The following PDZRN4 variants were observed in gnomAD, a reference collection of about 807,000 sequenced individuals.
PDZRN4 encodes PDZ domain containing ring finger 4.
A neutral mutation model predicts 99.0 loss-of-function variants in PDZRN4; 70 were observed. The ratio of observed to expected loss-of-function variants is 0.71; its 90% CI spans 0.58 to 0.86. The LOEUF (loss-of-function observed/expected upper bound fraction) is 0.86. PDZRN4 is among the 40% of genes least tolerant of loss of function. The probability of loss-of-function intolerance (pLI) is 0.00; values close to 1 mark genes in which losing one functional copy is unlikely to be tolerated. For missense variants in PDZRN4, 1,474 were observed against 1,331.2 expected, an observed-to-expected ratio of 1.11 and a Z score of -1.67; for synonymous variants, 551 against 501.6, an observed-to-expected ratio of 1.10 and a Z score of -1.32.
intron 3 of PDZRN4, among the ~76,000 whole-genome samples, chr12:41,469,902 C>G (rs1435454464): frequency 3.3e-5 from 5 of 151,756 alleles, no homozygotes; most frequent in African/African-American, 9.7e-5. Context: ...TGCACTCCAG[C>G]CTGGGTGACA....
chr12:41,256,646 C>T (rs1274824549), intron 3 of PDZRN4, among the ~76,000 whole-genome samples: 1 of 152,114 alleles, frequency 6.6e-6, no homozygotes, highest in African/African-American at 2.4e-5. Flanking sequence ...AGTATCTTGC[C>T]ATAGCTGACT....
chr12:41,393,392 T>C (rs1300758810), intron 3 of PDZRN4, among the ~76,000 whole-genome samples: 1 of 152,132 alleles, frequency 6.6e-6, no homozygotes, highest in Non-Finnish European at 1.5e-5. Flanking sequence ...TTGTAGCAAG[T>C]ACATATTTAA....
chr12:41,442,007 C>T (rs906549401), intron 3 of PDZRN4, among the ~76,000 whole-genome samples: 14 of 152,134 alleles, frequency 9.2e-5, no homozygotes, highest in African/African-American at 3.4e-4. Flanking sequence ...TGTGTCACTC[C>T]ACCCTGATGG....
intron 3 of PDZRN4, among the ~76,000 whole-genome samples, chr12:41,405,003 A>G (rs1201081333): frequency 6.6e-6 from 1 of 152,134 alleles, no homozygotes; most frequent in Non-Finnish European, 1.5e-5. Context: ...ACCCCAAACT[A>G]TAAAAATCCT....
intron 3 of PDZRN4, among the ~76,000 whole-genome samples, chr12:41,318,865 T>C (rs930906590): frequency 3.3e-5 from 5 of 152,148 alleles, no homozygotes; most frequent in Non-Finnish European, 5.9e-5. Flanking sequence ...TGAATCTTAT[T>C]TCAGAGACAT....
chr12:41,328,519 T>G (rs1028472504), intron 3 of PDZRN4, among the ~76,000 whole-genome samples: 2 of 152,122 alleles, frequency 1.3e-5, no homozygotes, highest in Non-Finnish European at 2.9e-5. Context: ...GCTCTGTATC[T>G]AAAACAAATA....
At chr12:41,333,865 ATC>A (rs1008878822) in intron 3 of PDZRN4, among the ~76,000 whole-genome samples, 5 of 152,098 alleles carry the variant, frequency 3.3e-5, no homozygotes, top group African/African-American at 4.8e-5. Flanking sequence ...TTCCTGAAGA[ATC>A]TCTGTTGGAT....
intron 7 of PDZRN4, among the ~76,000 whole-genome samples, chr12:41,560,167 G>C (rs1253912351): frequency 1.3e-5 from 2 of 151,696 alleles, no homozygotes; most frequent in Non-Finnish European, 2.9e-5. Context: ...CACCTCCTTT[G>C]TCTCCATACT....
chr12:41,310,223 G>A (rs995323560), intron 3 of PDZRN4, among the ~76,000 whole-genome samples: 20 of 151,936 alleles, frequency 1.3e-4, no homozygotes, highest in Admixed American at 4.6e-4. Context: ...GTGAGCCACC[G>A]CATCCAGCCT....
chr12:41,563,425 G>T (rs1939307902), intron 7 of PDZRN4, 123 bp from the exon 8 acceptor site: 1 of 695,742 alleles, frequency 1.4e-6, no homozygotes, highest in African/African-American at 1.8e-5. Flanking sequence ...AGGGGCTGAA[G>T]ATGAGCCCAT....
At chr12:41,261,576 G>C (rs1402704268) in intron 3 of PDZRN4, among the ~76,000 whole-genome samples, 1 of 152,092 alleles carries the variant, frequency 6.6e-6, no homozygotes, top group Admixed American at 6.5e-5. Context: ...TGCAAGCTCT[G>C]CCTCCCGGGT....
At chr12:41,559,582 G>C (rs1447742677) in intron 7 of PDZRN4, among the ~76,000 whole-genome samples, 1 of 152,076 alleles carries the variant, frequency 6.6e-6, no homozygotes, top group East Asian at 1.9e-4. Flanking sequence ...CTAATCTCAT[G>C]TTGGCCAAAA....
At chr12:41,391,813 G>A (rs572244344) in intron 3 of PDZRN4, among the ~76,000 whole-genome samples, 41 of 152,108 alleles carry the variant, frequency 2.7e-4, no homozygotes, top group Non-Finnish European at 5.0e-4. Context: ...TGACTTTAGC[G>A]AAGAAGTGCA....
chr12:41,549,080 A>C (rs1163106763), intron 5 of PDZRN4, among the ~76,000 whole-genome samples: 1 of 152,188 alleles, frequency 6.6e-6, no homozygotes, highest in African/African-American at 2.4e-5. Context: ...CTTTCACTCT[A>C]GTGACAAATG....
chr12:41,271,008 A>G lies in PDZRN4; in HGVS notation c.843+76820A>G, dbSNP rs552651809. Among the ~76,000 whole-genome samples, 15 of 152,214 alleles carry G rather than the reference A, an allele frequency of 9.9e-5. No individual in the cohort carries two copies. In the South Asian group the frequency reaches 2.9e-3, roughly 29 times the overall value. Reference sequence around the variant, plus strand: ...ATTTTATTTTCTAAATCTGAAATATAGTCTTCGTAGCATCACATATATGAC... The same window carrying G: ...ATTTTATTTTCTAAATCTGAAATATGGTCTTCGTAGCATCACATATATGAC... On this transcript the variant is annotated intron_variant, in intron 3 of 9. Coordinates refer to ENST00000402685, the MANE Select transcript of PDZRN4 (RefSeq NM_001164595.2).
At chr12:41,500,580 C>A (rs1443084663) in intron 3 of PDZRN4, among the ~76,000 whole-genome samples, 1 of 151,970 alleles carries the variant, frequency 6.6e-6, no homozygotes, top group Non-Finnish European at 1.5e-5. Context: ...TCATTGATAA[C>A]CTTTTTTTTA....
In PDZRN4 at chr12:41,572,728, G is replaced by A; in HGVS notation, c.1949G>A (p.Ser650Asn). The A allele has an allele frequency of 6.2e-7, 1 of 1,614,102 alleles. No individual in the cohort carries two copies. The highest frequency in any genetic ancestry group is 8.5e-7 in the Non-Finnish European group (1 of 1,179,994). Residue 650 changes from serine to asparagine, a missense_variant, in exon 10 of 10, where the codon AGC (serine) becomes AAC (asparagine). Transcript: ENST00000402685. ...GAGTATGACCTGTATTACTCAAGCA[G>A]CACAATTGAATGCAATCAAGGGGAG... ...HGEYDLYYSSSTIECNQGEQE... is the reference protein window; with the variant it reads ...HGEYDLYYSSNTIECNQGEQE...
chr12:41,446,850 AT>A (rs36011837), intron 3 of PDZRN4, among the ~76,000 whole-genome samples: 57,617 of 138,890 alleles, frequency 0.41, 11,418 homozygotes, highest in African/African-American at 0.55. Flanking sequence ...ACCAAGGGCA[AT>A]TTTTTTTTTT....
At chr12:41,285,648 T>G (rs903218136) in intron 3 of PDZRN4, among the ~76,000 whole-genome samples, 1 of 152,162 alleles carries the variant, frequency 6.6e-6, no homozygotes, top group African/African-American at 2.4e-5. Context: ...ATATGGCACA[T>G]GTACACCATG....
Sources: gnomAD v4.1 joint callset for allele counts (sites outside exome capture counted in the v4.1 genomes callset) on GRCh38, gnomAD v4.1.1 for gene constraint, MANE v1.5 for transcripts, NCBI Gene and HGNC (gene_info 2026-07-23, HGNC 2026-07-21) for gene names.